GALNT13: variants seen among roughly 807,000 people sequenced by gnomAD.
The protein encoded by GALNT13 is UDP-GalNAc:polypeptide N-acetylgalactosaminyltransferase 13.
In GALNT13, 28 loss-of-function variants were observed where a neutral mutation model predicts 64.2. The observed-to-expected ratio is 0.44, with a 90% confidence interval of 0.32 to 0.60. The LOEUF is 0.60. GALNT13 is among the 20% of genes least tolerant of loss of function. The pLI, the probability that GALNT13 is intolerant of heterozygous loss-of-function variation, is 0.05. For missense variants in GALNT13, 577 were observed against 669.8 expected, an observed-to-expected ratio of 0.86 and a Z score of 1.53; for synonymous variants, 214 against 224.6, an observed-to-expected ratio of 0.95 and a Z score of 0.42.
chr2:153,947,886 A>G (rs566233453), intron 3 of GALNT13, among the ~76,000 whole-genome samples: 5 of 151,896 alleles, frequency 3.3e-5, no homozygotes, highest in African/African-American at 9.7e-5. Flanking sequence ...TCCAGTTTCA[A>G]TTTTCTGCAT....
intron 9 of GALNT13, among the ~76,000 whole-genome samples, chr2:154,354,815 T>A (rs1001091251): frequency 6.6e-6 from 1 of 152,100 alleles, no homozygotes; most frequent in African/African-American, 2.4e-5. Context: ...TTCGTGATTT[T>A]AAATTATAAT....
chr2:153,250,130 T>A, the GALNT13 span, among the ~76,000 whole-genome samples: 3 of 152,058 alleles, frequency 2.0e-5, no homozygotes, highest in African/African-American at 7.2e-5. Flanking sequence ...ATTTTTGCAA[T>A]CCATCCATCT....
chr2:153,335,492 T>C, the GALNT13 span, among the ~76,000 whole-genome samples: 1 of 152,220 alleles, frequency 6.6e-6, no homozygotes, highest in East Asian at 1.9e-4. Flanking sequence ...ACTCTTGTTA[T>C]GTTTTAGCAA....
the GALNT13 span, among the ~76,000 whole-genome samples, chr2:153,524,799 A>G: frequency 6.4e-4 from 97 of 152,264 alleles, no homozygotes; most frequent in Middle Eastern, 3.4e-3. Flanking sequence ...CTCTAAATAA[A>G]TCTGAAAGGC....
chr2:153,088,674 A>AT, the GALNT13 span, among the ~76,000 whole-genome samples: 4 of 151,998 alleles, frequency 2.6e-5, no homozygotes, highest in East Asian at 1.9e-4. Flanking sequence ...TGGAATTGTG[A>AT]TTTTTTGCTG....
At chr2:153,720,536 CA>C in the GALNT13 span, among the ~76,000 whole-genome samples, 4 of 149,590 alleles carry the variant, frequency 2.7e-5, no homozygotes, top group Admixed American at 2.0e-4. Flanking sequence ...ACATTCAAAC[CA>C]AAGGCAAAGA....
the GALNT13 span, among the ~76,000 whole-genome samples, chr2:153,688,829 ATTGTT>A: frequency 6.6e-6 from 1 of 151,930 alleles, no homozygotes; most frequent in African/African-American, 2.4e-5. Flanking sequence ...AATACAATGT[ATTGTT>A]TTATCTTGAT....
intron 3 of GALNT13, among the ~76,000 whole-genome samples, chr2:154,139,918 G>A (rs776069391): frequency 1.6e-4 from 25 of 152,148 alleles, no homozygotes; most frequent in East Asian, 1.4e-3. Flanking sequence ...AGATGTAATG[G>A]CAGTAGATAT....
chr2:153,971,786 A>G (rs1693758833), intron 3 of GALNT13, among the ~76,000 whole-genome samples: 1 of 152,172 alleles, frequency 6.6e-6, no homozygotes, highest in Non-Finnish European at 1.5e-5. Flanking sequence ...GATAAAATAT[A>G]TCATAACCAT....
At chr2:153,767,060 A>G in the GALNT13 span, among the ~76,000 whole-genome samples, 1 of 152,088 alleles carries the variant, frequency 6.6e-6, no homozygotes, top group Non-Finnish European at 1.5e-5. Flanking sequence ...CAAATATTGA[A>G]CATTGTACCC....
intron 3 of GALNT13, among the ~76,000 whole-genome samples, chr2:154,116,770 A>C (rs1013717799): frequency 6.6e-6 from 1 of 152,266 alleles, no homozygotes; most frequent in East Asian, 1.9e-4. Context: ...TTAAGCAGTC[A>C]ACTTCAGAAA....
intron 3 of GALNT13, among the ~76,000 whole-genome samples, chr2:154,016,481 G>T (rs1196441616): frequency 6.6e-6 from 1 of 152,066 alleles, no homozygotes; most frequent in Non-Finnish European, 1.5e-5. Flanking sequence ...GCAGTGGTGC[G>T]ATCTCAGCTC....
At chr2:154,207,621 A>G (rs1287663287) in intron 4 of GALNT13, among the ~76,000 whole-genome samples, 1 of 152,172 alleles carries the variant, frequency 6.6e-6, no homozygotes, top group Admixed American at 6.5e-5. Context: ...TTTGTTAAGC[A>G]CTCAGTAATG....
At chr2:154,035,983 T>G (rs1419412156) in intron 3 of GALNT13, among the ~76,000 whole-genome samples, 3 of 152,074 alleles carry the variant, frequency 2.0e-5, no homozygotes. Context: ...CTTTCTATTA[T>G]GTACTGCTTT....
the GALNT13 span, among the ~76,000 whole-genome samples, chr2:153,663,106 A>G: frequency 7.1e-3 from 1,083 of 152,352 alleles, 12 homozygotes; most frequent in African/African-American, 0.024. Context: ...AATAGTAAAA[A>G]TAAACTCCAG....
chr2:153,722,597 C>T, the GALNT13 span, among the ~76,000 whole-genome samples: 2 of 151,738 alleles, frequency 1.3e-5, no homozygotes, highest in African/African-American at 4.9e-5. Flanking sequence ...ATCAAATAGA[C>T]ACAATAAAAA....
chr2:153,851,245 G>A, the GALNT13 span, among the ~76,000 whole-genome samples: 2 of 152,028 alleles, frequency 1.3e-5, no homozygotes, highest in Admixed American at 6.6e-5. Flanking sequence ...AGAGAGTGAA[G>A]CAATGTATTA....
intron 4 of GALNT13, among the ~76,000 whole-genome samples, chr2:154,188,091 G>A (rs1271397034): frequency 6.6e-6 from 1 of 151,428 alleles, no homozygotes; most frequent in African/African-American, 2.4e-5. Context: ...TCTCACAGCA[G>A]TGCAACTTTC....
the GALNT13 span, among the ~76,000 whole-genome samples, chr2:153,347,591 C>T: frequency 1.3e-5 from 2 of 152,278 alleles, no homozygotes; most frequent in East Asian, 1.9e-4. Context: ...TGAGTACTAA[C>T]AACAGAGTTT....
Sources: allele counts gnomAD v4.1 joint callset (sites outside exome capture counted in the v4.1 genomes callset), GRCh38; gene constraint gnomAD v4.1.1; transcripts MANE v1.5; gene names NCBI Gene and HGNC (gene_info 2026-07-23, HGNC 2026-07-21).